STK32B: variants seen among roughly 807,000 people sequenced by gnomAD.
STK32B encodes the protein serine/threonine-protein kinase 32B.
Under a neutral mutation model 52.6 loss-of-function variants are expected in STK32B, and 43 were observed. That is an observed-to-expected ratio of 0.82 (90% CI 0.64 to 1.05). STK32B has a LOEUF of 1.05. Ranked by LOEUF, STK32B falls within the 50% of genes least tolerant of loss-of-function variation. STK32B has a pLI of 0.00. For missense variants in STK32B, 621 were observed against 534.6 expected, an observed-to-expected ratio of 1.16 and a Z score of -1.59; for synonymous variants, 238 against 204.3, an observed-to-expected ratio of 1.17 and a Z score of -1.41.
chr4:5,412,028 A>G (rs1158937155), intron 5 of STK32B, among the ~76,000 whole-genome samples: 1 of 152,212 alleles, frequency 6.6e-6, no homozygotes, highest in Non-Finnish European at 1.5e-5. Flanking sequence ...AGAAGTCAAG[A>G]GGGAAGAACA....
At position 5,446,710 on chromosome 4, in the gene STK32B, C is replaced by T. The variant is rs376068228; in HGVS notation, c.600C>T (p.Pro200=). The T allele has an allele frequency of 3.1e-5, 50 of 1,614,060 alleles. No homozygotes were observed. In the Admixed American group the frequency reaches 4.5e-4, roughly 15 times the overall value. Residue 200 remains proline (P), a synonymous_variant, in exon 7 of 12, where the codon CCC becomes CCT. Transcript: ENST00000282908. ...EVFQVYMDRG[P]GYSYPVDWWS... ...TCCAGGTGTACATGGACAGAGGCCC[C>T]GGATACTCGTACCCTGTCGACTGGT... is the stretch of plus-strand genomic sequence containing the variant.
chr4:5,279,005 A>T (rs2369674), intron 3 of STK32B, among the ~76,000 whole-genome samples: 17,663 of 152,122 alleles, frequency 0.12, 2,826 homozygotes, highest in African/African-American at 0.36. Context: ...TTACAATTTG[A>T]CATGAGATTT....
At chr4:5,138,317 G>A (rs1418339296) in intron 1 of STK32B, among the ~76,000 whole-genome samples, 1 of 152,062 alleles carries the variant, frequency 6.6e-6, no homozygotes, top group Non-Finnish European at 1.5e-5. Context: ...TAATATACAA[G>A]GAACTAATTG....
chr4:5,199,207 A>T (rs1721930570), intron 3 of STK32B, among the ~76,000 whole-genome samples: 1 of 152,196 alleles, frequency 6.6e-6, no homozygotes, highest in African/African-American at 2.4e-5. Flanking sequence ...TATTACTTTA[A>T]TTGAACATGC....
At chr4:5,222,960 C>T (rs562150939) in intron 3 of STK32B, among the ~76,000 whole-genome samples, 2 of 152,300 alleles carry the variant, frequency 1.3e-5, no homozygotes, top group East Asian at 3.9e-4. Context: ...CCGTACCCAT[C>T]ACAGGCCCAG....
chr4:5,192,928 C>A (rs1345276501), intron 3 of STK32B, among the ~76,000 whole-genome samples: 2 of 152,198 alleles, frequency 1.3e-5, no homozygotes. Flanking sequence ...TGAGCATGAC[C>A]TTTTTAGGAA....
chr4:5,499,155 C>T lies in STK32B; in HGVS notation c.*72C>T. 6.7e-7 allele frequency: 1 copy of T among 1,496,234 alleles called. No individual in the cohort carries two copies. The highest frequency in any genetic ancestry group is 2.4e-5 in the East Asian group (1 of 40,948). The allele number at this position is 1,496,234 out of a possible 1,614,324, so 92.7% of individuals were successfully genotyped here. A position where few individuals can be genotyped will look rare whatever the true frequency, so the allele number is the denominator to read the frequency against. On this transcript the variant is annotated 3_prime_UTR_variant, in exon 12 of 12. Coordinates refer to ENST00000282908, the MANE Select transcript of STK32B (RefSeq NM_018401.3). ...GCCCACCCAGAGCCCCTCTTTGTGC[C>T]CTGATGGTCCCTGTCTCACCCCTGA...
At chr4:5,156,773 C>A (rs1717887727) in intron 2 of STK32B, among the ~76,000 whole-genome samples, 1 of 152,128 alleles carries the variant, frequency 6.6e-6, no homozygotes, top group Admixed American at 6.5e-5. Flanking sequence ...CAGAAAATGG[C>A]ACAGTGTTAT....
At chr4:5,364,995 C>T (rs1734787584) in intron 4 of STK32B, among the ~76,000 whole-genome samples, 1 of 152,318 alleles carries the variant, frequency 6.6e-6, no homozygotes, top group African/African-American at 2.4e-5. Flanking sequence ...CCTGCCTCAG[C>T]ATCCCGAGTA....
intron 3 of STK32B, among the ~76,000 whole-genome samples, chr4:5,171,494 A>G (rs543068377): frequency 6.6e-6 from 1 of 152,352 alleles, no homozygotes; most frequent in African/African-American, 2.4e-5. Flanking sequence ...ATAAGGTACA[A>G]GGAAGGTGTC....
At chr4:5,082,190 A>G (rs1477799318) in intron 1 of STK32B, among the ~76,000 whole-genome samples, 1 of 152,042 alleles carries the variant, frequency 6.6e-6, no homozygotes, top group East Asian at 1.9e-4. Flanking sequence ...CCAGGTACTG[A>G]GAGCCTCCCA....
intron 1 of STK32B, among the ~76,000 whole-genome samples, chr4:5,080,433 A>G (rs970078955): frequency 1.3e-5 from 2 of 152,156 alleles, no homozygotes; most frequent in Admixed American, 1.3e-4. Flanking sequence ...TTTCCCAGAT[A>G]CTTGCATGAC....
At chr4:5,428,477 A>G (rs1464864645) in intron 6 of STK32B, among the ~76,000 whole-genome samples, 1 of 152,154 alleles carries the variant, frequency 6.6e-6, no homozygotes, top group Non-Finnish European at 1.5e-5. Context: ...TATATCTTTC[A>G]TTGATGTTCA....
At chr4:5,446,808 G>T (rs777091050) in intron 7 of STK32B, 32 bp downstream of exon 7, 1 of 1,606,576 alleles carries the variant, frequency 6.2e-7, no homozygotes, top group Non-Finnish European at 8.5e-7. Flanking sequence ...TACACACGAG[G>T]GGCTGTGCAG....
intron 3 of STK32B, among the ~76,000 whole-genome samples, chr4:5,318,363 G>A (rs987011397): frequency 1.3e-5 from 2 of 151,984 alleles, no homozygotes; most frequent in Non-Finnish European, 2.9e-5. Context: ...GAGAAGGAGT[G>A]ATAGGAAGAT....
At chr4:5,162,821 G>T (rs776138803) in intron 2 of STK32B, among the ~76,000 whole-genome samples, 4 of 152,190 alleles carry the variant, frequency 2.6e-5, no homozygotes, top group Non-Finnish European at 5.9e-5. Context: ...GAAGTTGAAG[G>T]TTCCCAGGAC....
chr4:5,392,983 G>C (rs1369300826), intron 4 of STK32B, among the ~76,000 whole-genome samples: 1 of 152,208 alleles, frequency 6.6e-6, no homozygotes, highest in African/African-American at 2.4e-5. Context: ...TGTTTAATGA[G>C]TAGAGATGAT....
At chr4:5,229,971 C>T (rs975287551) in intron 3 of STK32B, among the ~76,000 whole-genome samples, 4 of 151,608 alleles carry the variant, frequency 2.6e-5, no homozygotes, top group Admixed American at 6.6e-5. Flanking sequence ...TGTTTATGCC[C>T]CAAACCTACT....
intron 3 of STK32B, among the ~76,000 whole-genome samples, chr4:5,325,083 C>A (rs866666920): frequency 6.6e-6 from 1 of 152,206 alleles, no homozygotes; most frequent in Non-Finnish European, 1.5e-5. Flanking sequence ...GTGAGCATGA[C>A]GCACAGCCTC....
Sources: gnomAD v4.1 joint callset for allele counts (sites outside exome capture counted in the v4.1 genomes callset) on GRCh38, gnomAD v4.1.1 for gene constraint, MANE v1.5 for transcripts, NCBI Gene and HGNC (gene_info 2026-07-23, HGNC 2026-07-21) for gene names.